ACAN: variants seen among roughly 807,000 people sequenced by gnomAD.
ACAN encodes aggrecan core protein.
Under a neutral mutation model 169.1 loss-of-function variants are expected in ACAN, and 47 were observed. The ratio of observed to expected loss-of-function variants is 0.28; its 90% CI spans 0.22 to 0.35. The LOEUF is 0.35. Ranked by LOEUF, ACAN falls within the 10% of genes least tolerant of loss-of-function variation. The probability of loss-of-function intolerance (pLI) is 1.00; values close to 1 mark genes in which losing one functional copy is unlikely to be tolerated. For synonymous variants in ACAN, 1,115 were observed against 1,112.2 expected (o/e 1.00, Z -0.05); for missense variants, 2,716 against 2,759.9 (o/e 0.98, Z 0.36).
intron 1 of ACAN, among the ~76,000 whole-genome samples, chr15:88,823,834 C>T (rs778966637): frequency 3.3e-5 from 5 of 152,188 alleles, no homozygotes; most frequent in Non-Finnish European, 4.4e-5. Context: ...CCAGGCCCAT[C>T]CTTCTCCACT....
chr15:88,812,229 G>T (rs1407009746), intron 1 of ACAN, among the ~76,000 whole-genome samples: 2 of 152,136 alleles, frequency 1.3e-5, no homozygotes, highest in Admixed American at 6.5e-5. Context: ...TTTGCACACA[G>T]CAGGGTCAGC....
chr15:88,849,299 G>A lies in ACAN; in HGVS notation c.1733-139G>A. ...GGTCCCAGAAAATCTAAGGGGGAGTGGTCAAAAAAGGGGTGATGGAGCTGG... is the reference window on the plus strand; with the variant it reads ...GGTCCCAGAAAATCTAAGGGGGAGTAGTCAAAAAAGGGGTGATGGAGCTGG... On this transcript the variant is annotated intron_variant, in intron 9 of 18. Transcript: ENST00000560601. This position sits in a 1 kb window ranked among gnomAD's most constrained non-coding sequence, Gnocchi z 5.1. 2.5e-6 allele frequency: 2 copies of A among 802,772 alleles called. No homozygotes were observed. The highest frequency in any genetic ancestry group is 2.7e-5 in the East Asian group (1 of 36,804). The allele number at this position is 802,772 out of a possible 1,614,324, so 49.7% of individuals were successfully genotyped here. A position where few individuals can be genotyped will look rare whatever the true frequency, so the allele number is the denominator to read the frequency against.
chr15:88,835,601 G>C (rs1896482495), intron 1 of ACAN, among the ~76,000 whole-genome samples: 1 of 152,214 alleles, frequency 6.6e-6, no homozygotes. Flanking sequence ...GTTTCAGTTT[G>C]AAAGTCAGTA....
intron 1 of ACAN, among the ~76,000 whole-genome samples, chr15:88,812,552 C>A (rs936039497): frequency 6.6e-6 from 1 of 152,152 alleles, no homozygotes; most frequent in Non-Finnish European, 1.5e-5. Flanking sequence ...CAGCCCCTGG[C>A]CTCTCACTTC....
rs375041472 is a variant in ACAN at position 88,873,856 on chromosome 15, C to A, written c.7462C>A (p.Pro2488Thr). 1.2e-6 allele frequency: 2 copies of A among 1,613,688 alleles called. No homozygotes were observed. The highest frequency in any genetic ancestry group is 1.7e-6 in the Non-Finnish European group (2 of 1,179,860). The change falls in exon 18 of 19, where the codon CCC (proline) becomes ACC (threonine). Residue 2488 changes from proline to threonine, a missense_variant. This residue lies in a region of ACAN where 1,389 missense variants were observed against 1,363.7 expected (regional missense o/e 1.02). Coordinates refer to ENST00000560601, the MANE Select transcript of ACAN (RefSeq NM_001369268.1). This position sits in a 1 kb window ranked among gnomAD's most constrained non-coding sequence, Gnocchi z 7.5. ...CKKGTVACGE[P>T]PVVEHARTFG... Reference sequence around the variant, plus strand: ...TTGCCCCTCAGTGGCCTGCGGAGAGCCCCCTGTGGTGGAGCATGCCAGGAC... The same window carrying A: ...TTGCCCCTCAGTGGCCTGCGGAGAGACCCCTGTGGTGGAGCATGCCAGGAC...
At chr15:88,822,433 C>G (rs560539352) in intron 1 of ACAN, among the ~76,000 whole-genome samples, 7 of 152,028 alleles carry the variant, frequency 4.6e-5, no homozygotes, top group South Asian at 4.1e-4. Context: ...TCCATCAGCT[C>G]TCAAAGAGAA....
intron 1 of ACAN, among the ~76,000 whole-genome samples, chr15:88,825,289 G>A (rs978948430): frequency 2.0e-5 from 3 of 152,144 alleles, no homozygotes; most frequent in Non-Finnish European, 4.4e-5. Flanking sequence ...ACTACCCAGG[G>A]AACACGAGGA....
chr15:88,867,538 T>A (rs1232265905), intron 13 of ACAN, among the ~76,000 whole-genome samples: 11 of 152,160 alleles, frequency 7.2e-5, no homozygotes, highest in Admixed American at 7.2e-4. Flanking sequence ...AGGGTTTCCA[T>A]CCCTCTCCCG....
Position 88,873,768 on chromosome 15 carries a change from C to T in ACAN, c.7448-74C>T. The stretch of plus-strand genomic sequence containing the variant: ...TGTTGAGGCTGTGTCCCCCACAGTG[C>T]CTCGGGTCACAACCAGCATAGGTCA... On this transcript the variant is annotated intron_variant, in intron 17 of 18. Transcript: ENST00000560601. This position sits in a 1 kb window ranked among gnomAD's most constrained non-coding sequence, Gnocchi z 7.5. 1 of 1,496,144 alleles carries T rather than the reference C, an allele frequency of 6.7e-7. No individual in the cohort carries two copies. Among genetic ancestry groups the T allele is most frequent in the Non-Finnish European group, 9.1e-7 (1 of 1,095,480 alleles). The allele number at this position is 1,496,144 out of a possible 1,614,324, so 92.7% of individuals were successfully genotyped here.
chr15:88,841,872 G>GCTGCC lies in ACAN; in HGVS notation c.757+12_757+16dup. The GCTGCC allele has an allele frequency of 1.2e-6, 2 of 1,612,416 alleles. No individual in the cohort carries two copies. The highest frequency in any genetic ancestry group is 1.7e-6 in the Non-Finnish European group (2 of 1,179,316). On this transcript the variant is annotated splice_donor_region_variant and intron_variant, in intron 5 of 18. Transcript: ENST00000560601. ...GCTTCGCCGAGGAGATGGAGGGTGA[G>GCTGCC]CTGCCCTGCCCACCAGGAGGCACCC...
chr15:88,874,464 C>T lies in ACAN; in HGVS notation c.7690C>T (p.Pro2564Ser). 6.2e-7 allele frequency: 1 copy of T among 1,603,392 alleles called. No homozygotes were observed. Among genetic ancestry groups the T allele is most frequent in the Non-Finnish European group, 8.5e-7 (1 of 1,175,344 alleles). ...RSSRHPRRSR[P>S]STAH is the part of the protein sequence containing the mutation. ...CTCACGGCACCCTCGGAGGAGCCGC[C>T]CCAGCACAGCCCACTGAGAAGAGCT... Residue 2564 changes from proline (P) to serine (S), a missense_variant, in exon 19 of 19, where the codon CCC becomes TCC. By Grantham distance (74) the Pro-to-Ser change is moderately conservative. Coordinates refer to ENST00000560601, the MANE Select transcript of ACAN (RefSeq NM_001369268.1). The surrounding 1 kb of genome is among the most constrained non-coding windows in gnomAD (Gnocchi z 7.3).
intron 4 of ACAN, among the ~76,000 whole-genome samples, chr15:88,840,804 G>A (rs941994037): frequency 6.7e-6 from 1 of 150,184 alleles, no homozygotes; most frequent in African/African-American, 2.5e-5. Flanking sequence ...AAAAAAAGAT[G>A]AGATAATAGT....
chr15:88,852,240 C>T (rs1011565905), intron 11 of ACAN, among the ~76,000 whole-genome samples: 4 of 152,170 alleles, frequency 2.6e-5, no homozygotes, highest in Non-Finnish European at 5.9e-5. Flanking sequence ...ACAGCCTTGT[C>T]CATAAAATTT....
Position 88,823,187 on chromosome 15 carries a change from G to A in ACAN, c.-7-13013G>A, listed in dbSNP as rs140173976. ...CTGTCCTGCAGGGTTGGCAGTCAGC[G>A]CCAAGTAAAGGGAATTTAGCTCTTG... On this transcript the variant is annotated intron_variant, in intron 1 of 18. Coordinates refer to ENST00000560601, the MANE Select transcript of ACAN (RefSeq NM_001369268.1). Among the ~76,000 whole-genome samples the A allele has an allele frequency of 5.0e-3, 755 of 152,298 alleles. 20 individuals are homozygous for A. Among genetic ancestry groups the A allele is most frequent in the East Asian group, 0.014 (75 of 5,184 alleles).
In ACAN at chr15:88,807,747, A is replaced by AGTGTGTGTGTGTGT. The variant is rs33937048; in HGVS notation, c.-8+3964_-8+3977dup. Among the ~76,000 whole-genome samples, 178 of 142,086 alleles carry AGTGTGTGTGTGTGT rather than the reference A, an allele frequency of 1.3e-3. 1 individual carries two copies. Among genetic ancestry groups the AGTGTGTGTGTGTGT allele is most frequent in the East Asian group, 3.9e-3 (18 of 4,648 alleles). 93.2% of individuals were successfully genotyped at this position (142,086 alleles called of 152,430 possible). On this transcript the variant is annotated intron_variant, in intron 1 of 18. Coordinates refer to ENST00000560601, the MANE Select transcript of ACAN (RefSeq NM_001369268.1). This position sits in a 1 kb window ranked among gnomAD's most constrained non-coding sequence, Gnocchi z 4.0. The stretch of plus-strand genomic sequence containing the variant: ...CTCAGAGCCTCCTTATAAGTGGTGG[A>AGTGTGTGTGTGTGT]GTGTGTGTGTGTGTGTGTGTGTGTG...
rs763850047 is a variant in ACAN at position 88,857,190 on chromosome 15, A to C, written c.4605A>C (p.Leu1535=). The C allele has an allele frequency of 8.6e-5, 138 of 1,611,934 alleles. No homozygotes were observed. The highest frequency in any genetic ancestry group is 1.1e-4 in the Non-Finnish European group (134 of 1,178,182). Residue 1535 remains leucine (L), a synonymous_variant, in exon 12 of 19, where the codon CTA becomes CTC. Transcript: ENST00000560601. ...GGCTCCCTTCTGGAGAAGAAGTTCT[A>C]GAGATTTCTGCCTCTGGATTTGGGG... ...LSRLPSGEEV[L]EISASGFGDL...
At chr15:88,836,655 G>A (rs11630917) in intron 2 of ACAN, among the ~76,000 whole-genome samples, 100,664 of 152,122 alleles carry the variant, frequency 0.66, 33,760 homozygotes, top group African/African-American at 0.76. Flanking sequence ...AGGGAGGATC[G>A]GCTGGAGCAC....
rs373848594 is a variant in ACAN at position 88,836,292 on chromosome 15, T to C, written c.70+16T>C. On this transcript the variant is annotated intron_variant, in intron 2 of 18. Coordinates refer to ENST00000560601, the MANE Select transcript of ACAN (RefSeq NM_001369268.1). ...GAAACTTCAGGTGAGGACATTCCTA[T>C]ACATGTTTCACGTATTCAGTAGGCA... 4 of 1,606,926 alleles carry C rather than the reference T, an allele frequency of 2.5e-6. No individual in the cohort carries two copies. The African/African-American group carries it at 5.3e-5, about 21-fold the overall frequency.
At chr15:88,829,660 A>G in intron 1 of ACAN, among the ~76,000 whole-genome samples, 1 of 152,188 alleles carries the variant, frequency 6.6e-6, no homozygotes, top group East Asian at 1.9e-4. Context: ...GTGACTGGTG[A>G]CTACAGGAAT....
Sources: allele counts gnomAD v4.1 joint callset (sites outside exome capture counted in the v4.1 genomes callset), GRCh38; gene constraint gnomAD v4.1.1; regional missense constraint gnomAD v4.1.1; non-coding constraint Gnocchi (gnomAD v3.1); transcripts MANE v1.5; gene names NCBI Gene and HGNC (gene_info 2026-07-23, HGNC 2026-07-21).